FBXO22: variants seen among roughly 807,000 people sequenced by gnomAD.
FBXO22 encodes F-box protein 22, also known as F-box only protein 22.
Under a neutral mutation model 37.2 loss-of-function variants are expected in FBXO22, and 13 were observed. That is an observed-to-expected ratio of 0.35 (90% CI 0.23 to 0.56). FBXO22 has a LOEUF of 0.56. Ranked by LOEUF, FBXO22 falls within the 20% of genes least tolerant of loss-of-function variation. FBXO22 has a pLI of 0.87. For missense variants in FBXO22, 446 were observed against 509.9 expected (o/e 0.87, Z 1.21); for synonymous variants, 189 against 189.1 (o/e 1.00, Z 0.00).
intron 2 of FBXO22, among the ~76,000 whole-genome samples, chr15:75,905,165 A>G (rs1899900071): frequency 6.6e-6 from 1 of 152,140 alleles, no homozygotes; most frequent in East Asian, 1.9e-4. Context: ...ATTAACAACA[A>G]CGCTGTGCAG....
Position 75,933,456 on chromosome 15 carries a change from A to T in FBXO22, c.*354A>T. On this transcript the variant is annotated 3_prime_UTR_variant, in exon 7 of 7. Transcript: ENST00000308275. ...GGATATAGATTTAAGACATTCCCTGACTACCCCTTGCGTTGTTAGGTGATG... is the reference window on the plus strand; with the variant it reads ...GGATATAGATTTAAGACATTCCCTGTCTACCCCTTGCGTTGTTAGGTGATG... The T allele has an allele frequency of 4.7e-6, 1 of 214,826 alleles. No homozygotes were observed. Among genetic ancestry groups the T allele is most frequent in the South Asian group, 7.1e-5 (1 of 14,012 alleles). 13.3% of individuals were successfully genotyped at this position (214,826 alleles called of 1,614,324 possible). A position where few individuals can be genotyped will look rare whatever the true frequency, so the allele number is the denominator to read the frequency against.
At chr15:75,904,293 G>T in intron 1 of FBXO22, 190 bp downstream of exon 1, 1 of 1,090,852 alleles carries the variant, frequency 9.2e-7, no homozygotes, top group Non-Finnish European at 1.3e-6. Context: ...CTTCCCTGAG[G>T]GGCGAAGTTC....
intron 5 of FBXO22, among the ~76,000 whole-genome samples, chr15:75,921,302 C>G (rs1900317506): frequency 6.6e-6 from 1 of 152,148 alleles, no homozygotes; most frequent in African/African-American, 2.4e-5. Context: ...ATGTGAAGGC[C>G]TAGCCCTGTA....
rs1040783091 is a variant in FBXO22, at chr15:75,935,056, C to G, written c.*1954C>G. On this transcript the variant is annotated 3_prime_UTR_variant, in exon 7 of 7. Coordinates refer to ENST00000308275, the MANE Select transcript of FBXO22 (RefSeq NM_147188.3). ...AATCATTTAGTCACATGGTTGTAACCTTAGTGCAAAGTAAAAAGGGAAAAG... is the reference window on the plus strand; with the variant it reads ...AATCATTTAGTCACATGGTTGTAACGTTAGTGCAAAGTAAAAAGGGAAAAG... 4 of 152,092 alleles carry G rather than the reference C, an allele frequency of 2.6e-5. No individual in the cohort carries two copies. Among genetic ancestry groups the G allele is most frequent in the African/African-American group, 9.7e-5 (4 of 41,402 alleles). 9.4% of individuals were successfully genotyped at this position (152,092 alleles called of 1,614,324 possible).
chr15:75,906,370 AGTATGTATATACATGCATGT>A (rs1432335902), intron 2 of FBXO22, among the ~76,000 whole-genome samples: 3 of 152,156 alleles, frequency 2.0e-5, no homozygotes, highest in Admixed American at 6.5e-5. Flanking sequence ...AAGGAATATA[AGTATGTATATACATGCATGT>A]GTATGTATAT....
At chr15:75,930,510 CTT>C in intron 6 of FBXO22, 1 of 987,192 alleles carries the variant, frequency 1.0e-6, no homozygotes, top group Non-Finnish European at 1.2e-6. Context: ...GGTCACAAAA[CTT>C]TTTTCCACAG....
intron 5 of FBXO22, among the ~76,000 whole-genome samples, chr15:75,927,624 C>T (rs1356952424): frequency 6.6e-6 from 1 of 152,076 alleles, no homozygotes; most frequent in African/African-American, 2.4e-5. Flanking sequence ...CTTAAAATTT[C>T]GTGGGCTAGT....
Position 75,938,510 on chromosome 15 carries a change from A to G in FBXO22, c.*5408A>G, listed in dbSNP as rs1032124728. 4 of 152,228 alleles carry G rather than the reference A, an allele frequency of 2.6e-5. No homozygotes were observed. The allele number at this position is 152,228 out of a possible 1,614,324, so 9.4% of individuals were successfully genotyped here. A position where few individuals can be genotyped will look rare whatever the true frequency, so the allele number is the denominator to read the frequency against. ...TTAACTCAAATATGCCCAAAGAACT[A>G]AAGGAAAACATGAACAAAGAATTAA... is the stretch of plus-strand genomic sequence containing the variant. On this transcript the variant is annotated 3_prime_UTR_variant, in exon 7 of 7. Coordinates refer to ENST00000308275, the MANE Select transcript of FBXO22 (RefSeq NM_147188.3).
intron 2 of FBXO22, among the ~76,000 whole-genome samples, chr15:75,908,492 C>T (rs1288497766): frequency 6.6e-6 from 1 of 152,130 alleles, no homozygotes; most frequent in East Asian, 1.9e-4. Context: ...AGGCTGGTCT[C>T]ACCCTGGCCT....
intron 5 of FBXO22, among the ~76,000 whole-genome samples, chr15:75,925,482 C>G (rs1900418818): frequency 6.6e-6 from 1 of 151,482 alleles, no homozygotes. Flanking sequence ...AATGACTTGT[C>G]AGATTCCAAA....
At chr15:75,921,071 T>G (rs914114475) in intron 5 of FBXO22, among the ~76,000 whole-genome samples, 2 of 152,196 alleles carry the variant, frequency 1.3e-5, no homozygotes, top group Non-Finnish European at 2.9e-5. Context: ...GTGTAGCCTA[T>G]TGCCCCTAGA....
chr15:75,910,612 GTTGT>G (rs1567051776), intron 2 of FBXO22, among the ~76,000 whole-genome samples: 1 of 151,942 alleles, frequency 6.6e-6, no homozygotes, highest in Non-Finnish European at 1.5e-5. Context: ...TTTTGATGGG[GTTGT>G]TTTTTTCTTC....
At chr15:75,924,709 T>A (rs561372478) in intron 5 of FBXO22, among the ~76,000 whole-genome samples, 1 of 152,148 alleles carries the variant, frequency 6.6e-6, no homozygotes, top group Non-Finnish European at 1.5e-5. Flanking sequence ...CAGCTCTACC[T>A]GTCTGTACCA....
Position 75,909,354 on chromosome 15 carries a change from GAA to G in FBXO22, c.280-3848_280-3847del, listed in dbSNP as rs1899997655. Among the ~76,000 whole-genome samples, 4 of 152,286 alleles carry G rather than the reference GAA, an allele frequency of 2.6e-5. 1 individual carries two copies. On this transcript the variant is annotated intron_variant, in intron 2 of 6. Transcript: ENST00000308275. ...TAAGTTCCACAAGAACAGAGCAATA[GAA>G]CATATGGGGAAGTCGGTGTGTCTGG... is the stretch of plus-strand genomic sequence containing the variant.
intron 5 of FBXO22, among the ~76,000 whole-genome samples, chr15:75,923,108 G>T (rs980176518): frequency 6.6e-6 from 1 of 152,158 alleles, no homozygotes; most frequent in African/African-American, 2.4e-5. Context: ...CTGTCCACCT[G>T]AGCATCCTGG....
chr15:75,907,085 T>C (rs1281039243), intron 2 of FBXO22, among the ~76,000 whole-genome samples: 2 of 152,194 alleles, frequency 1.3e-5, no homozygotes, highest in Non-Finnish European at 2.9e-5. Context: ...TTAAAAAGTT[T>C]TCAAATTTTT....
At chr15:75,930,690 A>T in intron 6 of FBXO22, 1 of 985,458 alleles carries the variant, frequency 1.0e-6, no homozygotes, top group Non-Finnish European at 1.2e-6. Flanking sequence ...TCCATCTTGA[A>T]TGAAAATACA....
At chr15:75,909,900 A>G (rs1391650184) in intron 2 of FBXO22, among the ~76,000 whole-genome samples, 1 of 151,902 alleles carries the variant, frequency 6.6e-6, no homozygotes, top group African/African-American at 2.4e-5. Context: ...ATTTCTCCTA[A>G]TGCTATCCCT....
At chr15:75,916,769 G>A (rs1028944217) in intron 4 of FBXO22, among the ~76,000 whole-genome samples, 1 of 151,862 alleles carries the variant, frequency 6.6e-6, no homozygotes, top group Non-Finnish European at 1.5e-5. Flanking sequence ...GGGACATTCA[G>A]GTTTTTTCTT....
Sources: allele counts gnomAD v4.1 joint callset (sites outside exome capture counted in the v4.1 genomes callset), GRCh38; gene constraint gnomAD v4.1.1; transcripts MANE v1.5; gene names NCBI Gene and HGNC (gene_info 2026-07-23, HGNC 2026-07-21).